NF1: variants seen among roughly 807,000 people sequenced by gnomAD.
The protein encoded by NF1 is neurofibromin.
A neutral mutation model predicts 325.7 loss-of-function variants in NF1; 122 were observed. That is an observed-to-expected ratio of 0.37 (90% CI 0.32 to 0.44). The LOEUF is 0.44. Ranked by LOEUF, NF1 falls within the 20% of genes least tolerant of loss-of-function variation. NF1 has a pLI of 1.00. For missense variants in NF1, 2,140 were observed against 3,415.4 expected (o/e 0.63, Z 9.31); for synonymous variants, 1,091 against 1,186.0 (o/e 0.92, Z 1.65).
intron 36 of NF1, among the ~76,000 whole-genome samples, chr17:31,282,040 A>G (rs1412641762): frequency 1.3e-5 from 2 of 151,568 alleles, no homozygotes; most frequent in African/African-American, 2.4e-5. Flanking sequence ...AGCCTGGACA[A>G]TGGAGAGAGA....
At chr17:31,255,051 G>GCT (rs564031650) in intron 31 of NF1, among the ~76,000 whole-genome samples, 99 of 152,290 alleles carry the variant, frequency 6.5e-4, no homozygotes, top group African/African-American at 2.2e-3. Flanking sequence ...CTAGTATATA[G>GCT]CTGTGTAGTC....
At position 31,352,303 on chromosome 17, in the gene NF1, G is replaced by C. The variant is rs1555536357; in HGVS notation, c.7504G>C (p.Gly2502Arg). 6.2e-6 allele frequency: 10 copies of C among 1,614,096 alleles called. No individual in the cohort carries two copies. Among genetic ancestry groups the C allele is most frequent in the Non-Finnish European group, 8.5e-6 (10 of 1,180,020 alleles). Residue 2502 changes from glycine to arginine, a missense_variant, in exon 51 of 58, where the codon GGA (glycine) becomes CGA (arginine). Physicochemically the swap from Gly to Arg is moderately radical, Grantham distance 125. Around this residue, in one of 10 missense-constraint regions of NF1, gnomAD observed 522 missense variants for 749.0 expected, o/e 0.70. Transcript: ENST00000358273. ...QPWSSPKGSEGYLAATYPTVG... is the reference protein window; with the variant it reads ...QPWSSPKGSERYLAATYPTVG... ...ATGGTCCTCTCCCAAAGGTTCTGAA[G>C]GATACCTTGCAGCCACCTATCCAAC...
intron 5 of NF1, among the ~76,000 whole-genome samples, chr17:31,173,432 T>C (rs908248385): frequency 7.3e-5 from 11 of 151,072 alleles, no homozygotes; most frequent in Admixed American, 7.3e-4. Context: ...TAAAATAAAA[T>C]AAAAATACAA....
At chr17:31,320,340 ATTT>A in intron 36 of NF1, 2 of 1,425,012 alleles carry the variant, frequency 1.4e-6, no homozygotes, top group Non-Finnish European at 1.9e-6. Context: ...GAGTCCTTTT[ATTT>A]AAAAAAAAAA....
At position 31,227,524 on chromosome 17, in the gene NF1, C is replaced by A. The variant is rs2067037211; in HGVS notation, c.2327C>A (p.Ala776Asp). 6.2e-7 allele frequency: 1 copy of A among 1,613,616 alleles called. No homozygotes were observed. Among genetic ancestry groups the A allele is most frequent in the Non-Finnish European group, 8.5e-7 (1 of 1,179,720 alleles). The change falls in exon 20 of 58, where the codon GCT becomes GAT. Residue 776 changes from alanine to aspartate, a missense_variant and splice_region_variant. By Grantham distance (126) the Ala-to-Asp change is moderately radical. Around this residue, in one of 10 missense-constraint regions of NF1, gnomAD observed 380 missense variants for 639.3 expected, o/e 0.59. Transcript: ENST00000358273. Reference protein sequence around the residue: ...IEHPTAGNTEAWEDTHAKWEQ... With the variant: ...IEHPTAGNTEDWEDTHAKWEQ... Reference sequence around the variant, plus strand: ...AAGTGATAATTGCCTTCATTTTAGGCTTGGGAAGATACACATGCAAAATGG... The same window carrying A: ...AAGTGATAATTGCCTTCATTTTAGGATTGGGAAGATACACATGCAAAATGG...
Position 31,373,899 on chromosome 17 carries a change from C to T in NF1, c.8378-114C>T, listed in dbSNP as rs1339851822. On this transcript the variant is annotated intron_variant, in intron 57 of 57. Coordinates refer to ENST00000358273, the MANE Select transcript of NF1 (RefSeq NM_001042492.3). ...TCCACAATATTTGCACAGACAAAATCGCCTAATGATTGTTTCCTAGAATGT... is the reference window on the plus strand; with the variant it reads ...TCCACAATATTTGCACAGACAAAATTGCCTAATGATTGTTTCCTAGAATGT... 2.3e-6 allele frequency: 3 copies of T among 1,302,968 alleles called. No individual in the cohort carries two copies. In the African/African-American group the frequency reaches 4.4e-5, roughly 19 times the overall value. The allele number at this position is 1,302,968 out of a possible 1,614,324, so 80.7% of individuals were successfully genotyped here.
Position 31,338,135 on chromosome 17 carries a change from G to A in NF1, c.6815G>A (p.Ser2272Asn). ...ATAAAGCAGATAATCCGTATTCTTA[G>A]CAAGGTACCTGTTCCGCCCTCACTT... Reference protein sequence around the residue: ...GQIKQIIRILSKALESCLKGP... With the variant: ...GQIKQIIRILNKALESCLKGP... The change falls in exon 45 of 58, where the codon AGC (serine) becomes AAC (asparagine). Residue 2272 changes from serine (S) to asparagine (N), a missense_variant. This residue lies in a region of NF1 where 522 missense variants were observed against 749.0 expected (regional missense o/e 0.70). Coordinates refer to ENST00000358273, the MANE Select transcript of NF1 (RefSeq NM_001042492.3). 6.2e-7 allele frequency: 1 copy of A among 1,606,612 alleles called. No homozygotes were observed. Among genetic ancestry groups the A allele is most frequent in the Non-Finnish European group, 8.5e-7 (1 of 1,173,234 alleles).
At chr17:31,122,755 G>C (rs1181398644) in intron 1 of NF1, among the ~76,000 whole-genome samples, 1 of 152,068 alleles carries the variant, frequency 6.6e-6, no homozygotes, top group African/African-American at 2.4e-5. Context: ...TTATTTTCCT[G>C]GTTGAATATA....
chr17:31,198,974 T>C (rs1303693483), intron 8 of NF1, among the ~76,000 whole-genome samples: 1 of 152,168 alleles, frequency 6.6e-6, no homozygotes, highest in Non-Finnish European at 1.5e-5. Flanking sequence ...TCTCTGTCTC[T>C]CTTTTATTTA....
At chr17:31,133,816 C>G (rs1173624576) in intron 1 of NF1, 3 of 152,192 alleles carry the variant, frequency 2.0e-5, no homozygotes, top group African/African-American at 7.2e-5. Flanking sequence ...GCCACCATGT[C>G]TGGCTAATTT....
At chr17:31,221,793 T>A in intron 14 of NF1, 57 bp from the exon 15 acceptor site, 1 of 1,251,352 alleles carries the variant, frequency 8.0e-7, no homozygotes, top group Non-Finnish European at 1.2e-6. Flanking sequence ...GTGTTATGTT[T>A]ACCAAAAATG....
intron 5 of NF1, 100 bp downstream of exon 5, chr17:31,170,097 A>T: frequency 1.3e-6 from 1 of 752,476 alleles, no homozygotes; most frequent in Non-Finnish European, 2.3e-6. Flanking sequence ...TAGAACACCA[A>T]ACTGGATTTT....
chr17:31,358,704 C>A (rs1292099096), intron 55 of NF1, 82 bp downstream of exon 55: 7 of 1,524,306 alleles, frequency 4.6e-6, no homozygotes, highest in South Asian at 1.1e-5. Flanking sequence ...CTACAGAATT[C>A]TTTATAAGGG....
intron 1 of NF1, among the ~76,000 whole-genome samples, chr17:31,134,118 A>G (rs1171915530): frequency 1.3e-5 from 2 of 152,158 alleles, no homozygotes; most frequent in Non-Finnish European, 2.9e-5. Context: ...GACTCAAGCA[A>G]TCTTCCTGCC....
At chr17:31,141,693 A>T (rs1206702211) in intron 1 of NF1, among the ~76,000 whole-genome samples, 1 of 152,194 alleles carries the variant, frequency 6.6e-6, no homozygotes, top group South Asian at 2.1e-4. Flanking sequence ...GGTCAGGAAG[A>T]TAGGGGTACC....
At chr17:31,142,815 C>T (rs1267856565) in intron 1 of NF1, among the ~76,000 whole-genome samples, 1 of 151,582 alleles carries the variant, frequency 6.6e-6, no homozygotes, top group Non-Finnish European at 1.5e-5. Flanking sequence ...TGCAGTGAAC[C>T]GAGATCGCGC....
chr17:31,377,483 A>G lies in NF1; in HGVS notation c.*3328A>G, dbSNP rs2070748422. 1 of 232,854 alleles carries G rather than the reference A, an allele frequency of 4.3e-6. No individual in the cohort carries two copies. The highest frequency in any genetic ancestry group is 8.5e-6 in the Non-Finnish European group (1 of 117,666). The allele number at this position is 232,854 out of a possible 1,614,324, so 14.4% of individuals were successfully genotyped here. ...AACTTTGGCAGTTCCTTTGTCTACA[A>G]CCTTGTTAATACTGTAAACAGTTGT... On this transcript the variant is annotated 3_prime_UTR_variant, in exon 58 of 58. Transcript: ENST00000358273.
intron 31 of NF1, chr17:31,254,145 T>G (rs1490299239): frequency 6.7e-6 from 1 of 150,244 alleles, no homozygotes; most frequent in East Asian, 1.9e-4. Flanking sequence ...GGTGGTGTAC[T>G]CCTGTAGTCC....
chr17:31,356,963 C>A lies in NF1; in HGVS notation c.7742C>A (p.Thr2581Asn). 6.2e-7 allele frequency: 1 copy of A among 1,613,858 alleles called. No individual in the cohort carries two copies. The highest frequency in any genetic ancestry group is 8.5e-7 in the Non-Finnish European group (1 of 1,179,920). ...TTAATTCCCTATCTTGCTGCAGAAA[C>A]TCAGAGGATTTCCTCATCACAACAG... ...RVAETDYEME[T>N]QRISSSQQHP... Residue 2581 changes from threonine (T) to asparagine (N), a missense_variant, in exon 53 of 58, where the codon ACT becomes AAT. Coordinates refer to ENST00000358273, the MANE Select transcript of NF1 (RefSeq NM_001042492.3).
Sources: allele counts gnomAD v4.1 joint callset (sites outside exome capture counted in the v4.1 genomes callset), GRCh38; gene constraint gnomAD v4.1.1; regional missense constraint gnomAD v4.1.1; transcripts MANE v1.5; gene names NCBI Gene and HGNC (gene_info 2026-07-23, HGNC 2026-07-21).